The following OR4C15 variants were observed in gnomAD, a reference collection of about 807,000 sequenced individuals.
The protein encoded by OR4C15 is olfactory receptor 4C15.
For missense variants in OR4C15, 697 were observed against 377.5 expected (o/e 1.85, Z -7.01); for synonymous variants, 216 against 134.0 (o/e 1.61, Z -4.22).
Position 55,554,686 on chromosome 11 carries a change from C to T in OR4C15, c.218C>T (p.Ser73Leu). Residue 73 changes from serine to leucine, a missense_variant, in exon 1 of 1, where the codon TCA becomes TTA. By Grantham distance (145) the Ser-to-Leu change is moderately radical. Coordinates refer to ENST00000642128, the MANE Select transcript of OR4C15 (RefSeq NM_001001920.3). The part of the protein sequence containing the change: ...GFLSFLDACF[S>L]SVITPKMIVD... Reference sequence around the variant, plus strand: ...CTGTCCTTCCTGGATGCGTGCTTCTCATCTGTCATCACCCCAAAGATGATT... The same window carrying T: ...CTGTCCTTCCTGGATGCGTGCTTCTTATCTGTCATCACCCCAAAGATGATT... 1 of 1,613,468 alleles carries T rather than the reference C, an allele frequency of 6.2e-7. No individual in the cohort carries two copies. The highest frequency in any genetic ancestry group is 8.5e-7 in the Non-Finnish European group (1 of 1,179,940).
chr11:55,555,037 A>T lies in OR4C15; in HGVS notation c.569A>T (p.Asp190Val), dbSNP rs1376373184. ...CCGTTACTGGAGCTTGCCTGCACTG[A>T]TACTCACATCTTTGGCCTCATGGTG... ...LYPLLELACT[D>V]THIFGLMVVI... Residue 190 changes from aspartate to valine, a missense_variant, in exon 1 of 1, where the codon GAT becomes GTT. By Grantham distance (152) the Asp-to-Val change is radical. Transcript: ENST00000642128. 1 of 1,613,614 alleles carries T rather than the reference A, an allele frequency of 6.2e-7. No homozygotes were observed. The highest frequency in any genetic ancestry group is 8.5e-7 in the Non-Finnish European group (1 of 1,179,924).
In OR4C15 at chr11:55,555,242, A is replaced by G. The variant is rs893394184; in HGVS notation, c.774A>G (p.Thr258=). ...LFFVPCIFVY[T]RPPSAFSLDK... The stretch of plus-strand genomic sequence containing the variant: ...TTGTCCCATGCATATTTGTATATAC[A>G]CGACCTCCATCTGCTTTTTCCCTTG... The change falls in exon 1 of 1, where the codon ACA becomes ACG. Residue 258 remains threonine, a synonymous_variant. Coordinates refer to ENST00000642128, the MANE Select transcript of OR4C15 (RefSeq NM_001001920.3). 1 of 1,613,818 alleles carries G rather than the reference A, an allele frequency of 6.2e-7. No homozygotes were observed. Among genetic ancestry groups the G allele is most frequent in the African/African-American group, 1.3e-5 (1 of 74,882 alleles).
chr11:55,555,219 G>A lies in OR4C15; in HGVS notation c.751G>A (p.Val251Ile). Residue 251 changes from valine (V) to isoleucine (I), a missense_variant, in exon 1 of 1, where the codon GTC (valine) becomes ATC (isoleucine). Val to Ile is a conservative substitution (Grantham distance 29). Transcript: ENST00000642128. ...SHIAVVILFFVPCIFVYTRPP... is the reference protein window; with the variant it reads ...SHIAVVILFFIPCIFVYTRPP... ...CATTGCTGTTGTGATTTTGTTCTTT[G>A]TCCCATGCATATTTGTATATACACG... 1 of 1,613,824 alleles carries A rather than the reference G, an allele frequency of 6.2e-7. No homozygotes were observed. Among genetic ancestry groups the A allele is most frequent in the East Asian group, 2.2e-5 (1 of 44,840 alleles).
Position 55,555,081 on chromosome 11 carries a change from A to C in OR4C15, c.613A>C (p.Ile205Leu). ...GLMVVINSGF[I>L]CIINFSLLLV... Reference sequence around the variant, plus strand: ...CATGGTGGTCATCAACAGTGGGTTTATCTGCATCATAAACTTCTCCTTGTT... The same window carrying C: ...CATGGTGGTCATCAACAGTGGGTTTCTCTGCATCATAAACTTCTCCTTGTT... The change falls in exon 1 of 1, where the codon ATC becomes CTC. Residue 205 changes from isoleucine (I) to leucine (L), a missense_variant. Ile to Leu is a conservative substitution (Grantham distance 5, BLOSUM62 2). Transcript: ENST00000642128. 1 of 1,613,882 alleles carries C rather than the reference A, an allele frequency of 6.2e-7. No individual in the cohort carries two copies.
At position 55,554,961 on chromosome 11, in the gene OR4C15, C is replaced by T; in HGVS notation, c.493C>T (p.Leu165Phe). ...GATACAAATTCTTTTTACTTTCCAG[C>T]TTCCCTTTTGTGGCCCCAATGTCAT... is the stretch of plus-strand genomic sequence containing the variant. The part of the protein sequence containing the change: ...SMIQILFTFQ[L>F]PFCGPNVINH... Residue 165 changes from leucine (L) to phenylalanine (F), a missense_variant, in exon 1 of 1, where the codon CTT becomes TTT. Transcript: ENST00000642128. 6.2e-7 allele frequency: 1 copy of T among 1,613,946 alleles called. No homozygotes were observed.
Position 55,554,880 on chromosome 11 carries a change from A to G in OR4C15, c.412A>G (p.Arg138Gly), listed in dbSNP as rs1214480363. ...PLHYSSIMNR[R>G]LCGILMGVAW... ...GCATTACTCTTCTATCATGAACAGG[A>G]GGCTCTGTGGCATTCTGATGGGGGT... Residue 138 changes from arginine (R) to glycine (G), a missense_variant, in exon 1 of 1, where the codon AGG (arginine) becomes GGG (glycine). By Grantham distance (125) the Arg-to-Gly change is moderately radical. Coordinates refer to ENST00000642128, the MANE Select transcript of OR4C15 (RefSeq NM_001001920.3). 9 of 1,613,960 alleles carry G rather than the reference A, an allele frequency of 5.6e-6. No homozygotes were observed. Among genetic ancestry groups the G allele is most frequent in the African/African-American group, 1.3e-5 (1 of 75,012 alleles).
rs1565045815 is a variant in OR4C15, at chr11:55,555,004, A to G, written c.536A>G (p.Asp179Gly). 2.5e-6 allele frequency: 4 copies of G among 1,613,604 alleles called. No individual in the cohort carries two copies. In the Admixed American group the frequency reaches 6.7e-5, roughly 27 times the overall value. ...AATGTCATCAATCACTTTATGTGTG[A>G]CTTGTACCCGTTACTGGAGCTTGCC... ...GPNVINHFMCDLYPLLELACT... is the reference protein window; with the variant it reads ...GPNVINHFMCGLYPLLELACT... Residue 179 changes from aspartate to glycine, a missense_variant, in exon 1 of 1, where the codon GAC (aspartate) becomes GGC (glycine). Asp to Gly is a moderately conservative substitution (Grantham distance 94). Coordinates refer to ENST00000642128, the MANE Select transcript of OR4C15 (RefSeq NM_001001920.3).
In OR4C15 at chr11:55,555,201, G is replaced by C; in HGVS notation, c.733G>C (p.Val245Leu). 6.2e-7 allele frequency: 1 copy of C among 1,613,876 alleles called. No individual in the cohort carries two copies. Among genetic ancestry groups the C allele is most frequent in the Non-Finnish European group, 8.5e-7 (1 of 1,179,896 alleles). The change falls in exon 1 of 1, where the codon GTT (valine) becomes CTT (leucine). Residue 245 changes from valine (V) to leucine (L), a missense_variant. By Grantham distance (32) the Val-to-Leu change is conservative. Coordinates refer to ENST00000642128, the MANE Select transcript of OR4C15 (RefSeq NM_001001920.3). ...ALSTCGSHIAVVILFFVPCIF... is the reference protein window; with the variant it reads ...ALSTCGSHIALVILFFVPCIF... Reference sequence around the variant, plus strand: ...CTCCACCTGTGGATCTCACATTGCTGTTGTGATTTTGTTCTTTGTCCCATG... The same window carrying C: ...CTCCACCTGTGGATCTCACATTGCTCTTGTGATTTTGTTCTTTGTCCCATG...
chr11:55,554,922 C>T lies in OR4C15; in HGVS notation c.454C>T (p.Leu152Phe), dbSNP rs1332114594. The T allele has an allele frequency of 3.7e-6, 6 of 1,613,862 alleles. No homozygotes were observed. Among genetic ancestry groups the T allele is most frequent in the Admixed American group, 3.3e-5 (2 of 59,924 alleles). Residue 152 changes from leucine (L) to phenylalanine (F), a missense_variant, in exon 1 of 1, where the codon CTC becomes TTC. Transcript: ENST00000642128. Reference protein sequence around the residue: ...ILMGVAWTGGLLHSMIQILFT... With the variant: ...ILMGVAWTGGFLHSMIQILFT... ...GATGGGGGTAGCCTGGACAGGGGGC[C>T]TCTTGCATTCCATGATACAAATTCT...
Position 55,554,615 on chromosome 11 carries a change from C to G in OR4C15, c.147C>G (p.Ser49Arg). The change falls in exon 1 of 1, where the codon AGC becomes AGG. Residue 49 changes from serine (S) to arginine (R), a missense_variant. Ser to Arg is a moderately radical substitution (Grantham distance 110). Coordinates refer to ENST00000642128, the MANE Select transcript of OR4C15 (RefSeq NM_001001920.3). ...TGCTAATTGTAGTAACCATTCTCAG[C>G]AGCCCTGCTCTTCTGGTGTCTCCTA... ...GNMLIVVTIL[S>R]SPALLVSPMY... 6.2e-7 allele frequency: 1 copy of G among 1,613,846 alleles called. No individual in the cohort carries two copies. Among genetic ancestry groups the G allele is most frequent in the Non-Finnish European group, 8.5e-7 (1 of 1,179,918 alleles).
Position 55,554,917 on chromosome 11 carries a change from G to T in OR4C15, c.449G>T (p.Gly150Val). 3.7e-6 allele frequency: 6 copies of T among 1,613,904 alleles called. No homozygotes were observed. The highest frequency in any genetic ancestry group is 5.1e-6 in the Non-Finnish European group (6 of 1,179,940). Residue 150 changes from glycine (G) to valine (V), a missense_variant, in exon 1 of 1, where the codon GGG (glycine) becomes GTG (valine). Coordinates refer to ENST00000642128, the MANE Select transcript of OR4C15 (RefSeq NM_001001920.3). ...CGILMGVAWT[G>V]GLLHSMIQIL... ...ATTCTGATGGGGGTAGCCTGGACAG[G>T]GGGCCTCTTGCATTCCATGATACAA...
rs1857116280 is a variant in OR4C15, at chr11:55,554,628, C to A, written c.160C>A (p.Leu54Met). 6.2e-7 allele frequency: 1 copy of A among 1,613,720 alleles called. No individual in the cohort carries two copies. The highest frequency in any genetic ancestry group is 1.3e-5 in the African/African-American group (1 of 74,914). Reference sequence around the variant, plus strand: ...AACCATTCTCAGCAGCCCTGCTCTTCTGGTGTCTCCTATGTACTTCTTCTT... The same window carrying A: ...AACCATTCTCAGCAGCCCTGCTCTTATGGTGTCTCCTATGTACTTCTTCTT... ...VVTILSSPAL[L>M]VSPMYFFLGF... The change falls in exon 1 of 1, where the codon CTG (leucine) becomes ATG (methionine). Residue 54 changes from leucine to methionine, a missense_variant. Physicochemically the swap from Leu to Met is conservative, Grantham distance 15. Coordinates refer to ENST00000642128, the MANE Select transcript of OR4C15 (RefSeq NM_001001920.3).
In OR4C15 at chr11:55,555,046, T is replaced by C; in HGVS notation, c.578T>C (p.Ile193Thr). ...LLELACTDTHIFGLMVVINSG... is the reference protein window; with the variant it reads ...LLELACTDTHTFGLMVVINSG... ...GAGCTTGCCTGCACTGATACTCACA[T>C]CTTTGGCCTCATGGTGGTCATCAAC... The change falls in exon 1 of 1, where the codon ATC (isoleucine) becomes ACC (threonine). Residue 193 changes from isoleucine to threonine, a missense_variant. Coordinates refer to ENST00000642128, the MANE Select transcript of OR4C15 (RefSeq NM_001001920.3). The C allele has an allele frequency of 6.2e-7, 1 of 1,613,886 alleles. No homozygotes were observed. Among genetic ancestry groups the C allele is most frequent in the Non-Finnish European group, 8.5e-7 (1 of 1,179,940 alleles).
Position 55,554,670 on chromosome 11 carries a change from C to A in OR4C15, c.202C>A (p.Leu68Met), listed in dbSNP as rs372365557. 1.2e-6 allele frequency: 2 copies of A among 1,613,368 alleles called. No individual in the cohort carries two copies. The highest frequency in any genetic ancestry group is 2.7e-5 in the African/African-American group (2 of 74,878). ...MYFFLGFLSF[L>M]DACFSSVITP... is the part of the protein sequence containing the mutation. ...CTTCTTCTTGGGCTTCCTGTCCTTC[C>A]TGGATGCGTGCTTCTCATCTGTCAT... Residue 68 changes from leucine (L) to methionine (M), a missense_variant, in exon 1 of 1, where the codon CTG becomes ATG. By Grantham distance (15) the Leu-to-Met change is conservative (BLOSUM62 2). Transcript: ENST00000642128.
rs1857126800 is a variant in OR4C15, at chr11:55,555,005, C to T, written c.537C>T (p.Asp179=). 3 of 1,613,736 alleles carry T rather than the reference C, an allele frequency of 1.9e-6. No individual in the cohort carries two copies. The highest frequency in any genetic ancestry group is 3.3e-5 in the Admixed American group (2 of 59,904). The change falls in exon 1 of 1, where the codon GAC becomes GAT. Residue 179 remains aspartate (D), a synonymous_variant. Transcript: ENST00000642128. The part of the protein sequence containing the change: ...GPNVINHFMC[D]LYPLLELACT... ...ATGTCATCAATCACTTTATGTGTGA[C>T]TTGTACCCGTTACTGGAGCTTGCCT...
chr11:55,554,503 TC>T lies in OR4C15; in HGVS notation c.37del (p.Leu13TrpfsTer12). ...CAAAGCTTTGTAACTGAGTTTGTCC[TC>T]CTGGGACTTTCACAGAATCCAAATG... ...QNQSFVTEFV[L>X]LGLSQNPNVQ... On this transcript the variant is annotated frameshift_variant, in exon 1 of 1. Coordinates refer to ENST00000642128, the MANE Select transcript of OR4C15 (RefSeq NM_001001920.3). LOFTEE classifies it low-confidence loss of function (END_TRUNC). 1 of 1,613,980 alleles carries T rather than the reference TC, an allele frequency of 6.2e-7. No homozygotes were observed. The highest frequency in any genetic ancestry group is 8.5e-7 in the Non-Finnish European group (1 of 1,179,912).
At position 55,554,791 on chromosome 11, in the gene OR4C15, G is replaced by C. The variant is rs767335394; in HGVS notation, c.323G>C (p.Gly108Ala). ...CTCTTTGCTGAACACTTCTTTGCTG[G>C]GGTGGAGGTGATTGTCCTCACAGCC... ...MQLFAEHFFA[G>A]VEVIVLTAMA... The change falls in exon 1 of 1, where the codon GGG (glycine) becomes GCG (alanine). Residue 108 changes from glycine to alanine, a missense_variant. Transcript: ENST00000642128. 6.2e-7 allele frequency: 1 copy of C among 1,613,930 alleles called. No individual in the cohort carries two copies. The highest frequency in any genetic ancestry group is 8.5e-7 in the Non-Finnish European group (1 of 1,179,938).
In OR4C15 at chr11:55,554,968, T is replaced by G. The variant is rs1759332224; in HGVS notation, c.500T>G (p.Phe167Cys). 1 of 1,613,898 alleles carries G rather than the reference T, an allele frequency of 6.2e-7. No homozygotes were observed. Among genetic ancestry groups the G allele is most frequent in the African/African-American group, 1.3e-5 (1 of 75,014 alleles). ...ATTCTTTTTACTTTCCAGCTTCCCT[T>G]TTGTGGCCCCAATGTCATCAATCAC... ...IQILFTFQLP[F>C]CGPNVINHFM... Residue 167 changes from phenylalanine (F) to cysteine (C), a missense_variant, in exon 1 of 1, where the codon TTT becomes TGT. Transcript: ENST00000642128.
rs747390272 is a variant in OR4C15, at chr11:55,555,082, T to C, written c.614T>C (p.Ile205Thr). ...ATGGTGGTCATCAACAGTGGGTTTATCTGCATCATAAACTTCTCCTTGTTG... is the reference window on the plus strand; with the variant it reads ...ATGGTGGTCATCAACAGTGGGTTTACCTGCATCATAAACTTCTCCTTGTTG... ...GLMVVINSGFICIINFSLLLV... is the reference protein window; with the variant it reads ...GLMVVINSGFTCIINFSLLLV... The change falls in exon 1 of 1, where the codon ATC becomes ACC. Residue 205 changes from isoleucine to threonine, a missense_variant. Coordinates refer to ENST00000642128, the MANE Select transcript of OR4C15 (RefSeq NM_001001920.3). 4 of 1,613,948 alleles carry C rather than the reference T, an allele frequency of 2.5e-6. No homozygotes were observed. The highest frequency in any genetic ancestry group is 3.4e-6 in the Non-Finnish European group (4 of 1,179,954).
Sources: allele counts gnomAD v4.1 joint callset, GRCh38; gene constraint gnomAD v4.1.1; transcripts MANE v1.5; gene names NCBI Gene and HGNC (gene_info 2026-07-23, HGNC 2026-07-21).